Variants in PCDH9 observed in about 807,000 individuals in gnomAD.
PCDH9 encodes protocadherin 9.
A neutral mutation model predicts 70.6 loss-of-function variants in PCDH9; 24 were observed. The ratio of observed to expected loss-of-function variants is 0.34; its 90% CI spans 0.25 to 0.48. The LOEUF (loss-of-function observed/expected upper bound fraction) is 0.48. Among genes scored for constraint, PCDH9 ranks in the 20% least tolerant of loss-of-function variants. PCDH9 has a pLI of 0.99. For missense variants in PCDH9, 1,281 were observed against 1,503.6 expected, an observed-to-expected ratio of 0.85 and a Z score of 2.45; for synonymous variants, 562 against 558.5, an observed-to-expected ratio of 1.01 and a Z score of -0.09.
intron 3 of PCDH9, among the ~76,000 whole-genome samples, chr13:66,896,007 G>C (rs1025330859): frequency 3.3e-5 from 5 of 152,094 alleles, no homozygotes; most frequent in African/African-American, 1.2e-4. Flanking sequence ...GCAGGAGCTG[G>C]GCCACAGCAA....
intron 2 of PCDH9, among the ~76,000 whole-genome samples, chr13:67,025,415 C>A (rs939380798): frequency 1.1e-4 from 17 of 151,940 alleles, no homozygotes; most frequent in African/African-American, 3.9e-4. Flanking sequence ...ATCCCTAACG[C>A]AATTGAGAAA....
At chr13:67,043,769 A>T (rs2085168618) in intron 2 of PCDH9, among the ~76,000 whole-genome samples, 1 of 152,148 alleles carries the variant, frequency 6.6e-6, no homozygotes, top group African/African-American at 2.4e-5. Context: ...CTTCATCAGA[A>T]ATTTACTAAC....
At chr13:67,086,506 A>C (rs2086110290) in intron 2 of PCDH9, among the ~76,000 whole-genome samples, 1 of 152,182 alleles carries the variant, frequency 6.6e-6, no homozygotes, top group South Asian at 2.1e-4. Context: ...GTTTTACAAA[A>C]ATAGGTAATT....
intron 4 of PCDH9, among the ~76,000 whole-genome samples, chr13:66,467,194 T>C (rs185605792): frequency 1.3e-5 from 2 of 152,238 alleles, no homozygotes; most frequent in East Asian, 1.9e-4. Context: ...GATGTTTAGA[T>C]GTTTTAGATG....
intron 4 of PCDH9, among the ~76,000 whole-genome samples, chr13:66,406,331 A>G (rs937634217): frequency 6.6e-6 from 1 of 152,158 alleles, no homozygotes; most frequent in Admixed American, 6.5e-5. Context: ...AGATAACTAT[A>G]TGGACACCTT....
intron 2 of PCDH9, among the ~76,000 whole-genome samples, chr13:67,132,239 C>T (rs1460668211): frequency 2.0e-5 from 3 of 152,036 alleles, no homozygotes; most frequent in South Asian, 2.1e-4. Context: ...CATTTCTTCC[C>T]GATTAGCAGT....
At chr13:66,814,564 C>T (rs2080567148) in intron 3 of PCDH9, among the ~76,000 whole-genome samples, 1 of 152,022 alleles carries the variant, frequency 6.6e-6, no homozygotes, top group Non-Finnish European at 1.5e-5. Flanking sequence ...TGGTTTGATG[C>T]ACACACACAA....
intron 2 of PCDH9, among the ~76,000 whole-genome samples, chr13:66,972,599 C>A (rs2083544730): frequency 6.6e-6 from 1 of 151,930 alleles, no homozygotes; most frequent in African/African-American, 2.4e-5. Flanking sequence ...TTTCTCAAAC[C>A]ACTAGAGCAT....
intron 3 of PCDH9, among the ~76,000 whole-genome samples, chr13:66,762,306 G>C (rs1354663947): frequency 6.6e-6 from 1 of 152,010 alleles, no homozygotes; most frequent in African/African-American, 2.4e-5. Flanking sequence ...GATTTTGCAG[G>C]GACTATGCAT....
chr13:67,086,791 C>T (rs2086116905), intron 2 of PCDH9, among the ~76,000 whole-genome samples: 1 of 152,060 alleles, frequency 6.6e-6, no homozygotes, highest in African/African-American at 2.4e-5. Context: ...CTTAGAGATA[C>T]TTCAAAACAT....
chr13:66,895,250 C>T (rs2082158301), intron 3 of PCDH9, among the ~76,000 whole-genome samples: 1 of 152,040 alleles, frequency 6.6e-6, no homozygotes, highest in South Asian at 2.1e-4. Flanking sequence ...AGGTACTTTC[C>T]ATTAGATTTC....
At chr13:66,819,072 G>A (rs2080662782) in intron 3 of PCDH9, among the ~76,000 whole-genome samples, 1 of 152,032 alleles carries the variant, frequency 6.6e-6, no homozygotes. Context: ...TACAAAGAAG[G>A]GGTTCATGAG....
chr13:66,468,846 C>T (rs1958562998), intron 4 of PCDH9, among the ~76,000 whole-genome samples: 1 of 151,902 alleles, frequency 6.6e-6, no homozygotes, highest in Non-Finnish European at 1.5e-5. Flanking sequence ...CTATATACTC[C>T]CTGAAGGCTT....
chr13:66,729,860 T>G (rs1472627655), intron 3 of PCDH9, among the ~76,000 whole-genome samples: 3 of 152,182 alleles, frequency 2.0e-5, no homozygotes, highest in African/African-American at 7.2e-5. Flanking sequence ...TGTATCACAA[T>G]GTGCTAAGTC....
At chr13:66,665,470 A>C (rs181416398) in intron 3 of PCDH9, among the ~76,000 whole-genome samples, 2 of 152,030 alleles carry the variant, frequency 1.3e-5, no homozygotes, top group Admixed American at 1.3e-4. Context: ...CTGTTTTCTT[A>C]CCCTATTTGG....
chr13:66,332,357 C>T (rs1037269890), intron 4 of PCDH9, among the ~76,000 whole-genome samples: 1 of 152,092 alleles, frequency 6.6e-6, no homozygotes, highest in African/African-American at 2.4e-5. Flanking sequence ...CCATGATAAT[C>T]TTCATTTTGT....
intron 3 of PCDH9, among the ~76,000 whole-genome samples, chr13:66,659,803 C>CCTGTGTGTGTGT (rs1469095546): frequency 6.7e-6 from 1 of 148,180 alleles, no homozygotes; most frequent in Non-Finnish European, 1.5e-5. Flanking sequence ...GGGGTGTGTG[C>CCTGTGTGTGTGT]CTGTGTGTGT....
chr13:67,063,183 G>A (rs943125015), intron 2 of PCDH9, among the ~76,000 whole-genome samples: 28 of 152,076 alleles, frequency 1.8e-4, no homozygotes, highest in African/African-American at 3.4e-4. Flanking sequence ...AGTACTACCC[G>A]TAACATTGCT....
At chr13:66,837,311 G>A (rs573522044) in intron 3 of PCDH9, among the ~76,000 whole-genome samples, 2 of 152,066 alleles carry the variant, frequency 1.3e-5, no homozygotes, top group South Asian at 2.1e-4. Context: ...AATGTTCCAC[G>A]AGTGTTAATT....
Sources: allele counts gnomAD v4.1 joint callset (sites outside exome capture counted in the v4.1 genomes callset), GRCh38; gene constraint gnomAD v4.1.1; transcripts MANE v1.5; gene names NCBI Gene and HGNC (gene_info 2026-07-23, HGNC 2026-07-21).